The following GULP1 variants were observed in gnomAD, a reference collection of about 807,000 sequenced individuals.
GULP1 encodes PTB domain-containing engulfment adapter protein 1.
In GULP1, 19 loss-of-function variants were observed where a neutral mutation model predicts 40.9. The ratio of observed to expected loss-of-function variants is 0.46; its 90% CI spans 0.32 to 0.68. GULP1 has a LOEUF of 0.68. Among genes scored for constraint, GULP1 ranks in the 30% least tolerant of loss-of-function variants. GULP1 has a pLI of 0.03. For synonymous variants in GULP1, 119 were observed against 117.6 expected (o/e 1.01, Z -0.08); for missense variants, 312 against 362.2 (o/e 0.86, Z 1.12).
At position 188,342,318 on chromosome 2, in the gene GULP1, GCA is replaced by G. The variant is rs2043078538; in HGVS notation, c.-171-41442_-171-41441del. Among the ~76,000 whole-genome samples, 5 of 152,030 alleles carry G rather than the reference GCA, an allele frequency of 3.3e-5. No individual in the cohort carries two copies. The South Asian group carries it at 1.0e-3, about 32-fold the overall frequency. ...CCTTGGTGGTGGCTGGTAGTCCTTG[GCA>G]CATGGCTGCATGACTCTAATCTTTG... On this transcript the variant is annotated intron_variant, in intron 1 of 11. Coordinates refer to ENST00000409830, the MANE Select transcript of GULP1 (RefSeq NM_016315.4).
At chr2:188,557,908 C>T (rs946001266) in intron 7 of GULP1, among the ~76,000 whole-genome samples, 1 of 152,172 alleles carries the variant, frequency 6.6e-6, no homozygotes, top group Non-Finnish European at 1.5e-5. Flanking sequence ...AATGGTGTGG[C>T]TGGGAAGCAG....
intron 1 of GULP1, among the ~76,000 whole-genome samples, chr2:188,317,343 A>G (rs1401751642): frequency 6.6e-6 from 1 of 152,172 alleles, no homozygotes; most frequent in East Asian, 1.9e-4. Context: ...ACATATTTTT[A>G]CAAGATATAC....
chr2:188,365,563 AT>A, intron 1 of GULP1, among the ~76,000 whole-genome samples: 1 of 152,332 alleles, frequency 6.6e-6, no homozygotes, highest in East Asian at 1.9e-4. Context: ...GAAGCTGATA[AT>A]TGTTGATTGA....
chr2:188,318,596 G>A (rs2039490773), intron 1 of GULP1, among the ~76,000 whole-genome samples: 1 of 152,110 alleles, frequency 6.6e-6, no homozygotes, highest in South Asian at 2.1e-4. Flanking sequence ...CTTTCCATAA[G>A]ACATGCCCAG....
intron 2 of GULP1, among the ~76,000 whole-genome samples, chr2:188,419,340 T>A (rs2055041764): frequency 6.6e-6 from 1 of 152,198 alleles, no homozygotes; most frequent in Non-Finnish European, 1.5e-5. Flanking sequence ...GAGTCCCAAT[T>A]TCTCCATACC....
intron 7 of GULP1, among the ~76,000 whole-genome samples, chr2:188,557,834 A>G (rs1161141269): frequency 1.3e-5 from 2 of 152,166 alleles, no homozygotes; most frequent in Non-Finnish European, 2.9e-5. Context: ...GCCAAAGCTT[A>G]TGACTTGCAC....
intron 2 of GULP1, chr2:188,466,594 T>C (rs1194798215): frequency 6.6e-6 from 1 of 152,094 alleles, no homozygotes; most frequent in African/African-American, 2.4e-5. Flanking sequence ...TATCTATCTC[T>C]AGCTTGCTCT....
chr2:188,543,747 C>T (rs1005047247), intron 7 of GULP1, among the ~76,000 whole-genome samples: 1 of 152,134 alleles, frequency 6.6e-6, no homozygotes, highest in Non-Finnish European at 1.5e-5. Context: ...ATCTAAGACT[C>T]ATAATTCTTA....
At chr2:188,438,244 A>C (rs1429068255) in intron 2 of GULP1, among the ~76,000 whole-genome samples, 1 of 151,998 alleles carries the variant, frequency 6.6e-6, no homozygotes, top group Admixed American at 6.6e-5. Context: ...TCAGCCCCCA[A>C]CTTGCACTTG....
At chr2:188,541,503 T>C in intron 7 of GULP1, 185 bp downstream of exon 7, 1 of 652,992 alleles carries the variant, frequency 1.5e-6, no homozygotes, top group East Asian at 2.7e-5. Flanking sequence ...CAGGATTTCA[T>C]CTGTAACTAA....
chr2:188,572,147 G>A (rs1312179977), intron 9 of GULP1, among the ~76,000 whole-genome samples: 1 of 152,188 alleles, frequency 6.6e-6, no homozygotes, highest in Non-Finnish European at 1.5e-5. Context: ...CAGGAGGAAT[G>A]ACAAGATGAC....
At chr2:188,372,562 A>T (rs867022752) in intron 1 of GULP1, among the ~76,000 whole-genome samples, 1 of 152,066 alleles carries the variant, frequency 6.6e-6, no homozygotes, top group Admixed American at 6.6e-5. Flanking sequence ...GTGTTTTCAT[A>T]CATGAACTCC....
At chr2:188,456,968 C>T (rs2059319806) in intron 2 of GULP1, among the ~76,000 whole-genome samples, 2 of 152,132 alleles carry the variant, frequency 1.3e-5, no homozygotes, top group Non-Finnish European at 2.9e-5. Context: ...GAATCCCCCA[C>T]TGGATTTTGG....
At position 188,292,210 on chromosome 2, in the gene GULP1, C is replaced by A; in HGVS notation, c.-172+44C>A. 6.6e-6 allele frequency: 1 copy of A among 152,664 alleles called. No individual in the cohort carries two copies. The highest frequency in any genetic ancestry group is 1.5e-5 in the Non-Finnish European group (1 of 68,300). The allele number at this position is 152,664 out of a possible 1,614,324, so 9.5% of individuals were successfully genotyped here. A position where few individuals can be genotyped will look rare whatever the true frequency, so the allele number is the denominator to read the frequency against. Reference sequence around the variant, plus strand: ...GCTCTTCCCTGGCTGCGAACCCAGGCTCCCTCCAGGTAGCGTGGAATCGCT... The same window carrying A: ...GCTCTTCCCTGGCTGCGAACCCAGGATCCCTCCAGGTAGCGTGGAATCGCT... On this transcript the variant is annotated intron_variant, in intron 1 of 11. Coordinates refer to ENST00000409830, the MANE Select transcript of GULP1 (RefSeq NM_016315.4). The surrounding 1 kb of genome is among the most constrained non-coding windows in gnomAD (Gnocchi z 4.0).
At chr2:188,435,391 T>C (rs2057311137) in intron 2 of GULP1, among the ~76,000 whole-genome samples, 1 of 152,018 alleles carries the variant, frequency 6.6e-6, no homozygotes, top group Admixed American at 6.6e-5. Flanking sequence ...TGGTATCCTT[T>C]ATTTTCTCCA....
intron 7 of GULP1, among the ~76,000 whole-genome samples, chr2:188,559,828 T>C (rs146629395): frequency 3.7e-4 from 56 of 152,306 alleles, no homozygotes; most frequent in African/African-American, 1.2e-3. Flanking sequence ...GTGGAGATAA[T>C]TTAAATCATC....
intron 6 of GULP1, 80 bp from the exon 7 acceptor site, chr2:188,541,101 A>G (rs778638314): frequency 1.7e-6 from 2 of 1,183,786 alleles, no homozygotes; most frequent in Non-Finnish European, 2.4e-6. Context: ...TTAAAGTCAC[A>G]TGTTATTAAC....
chr2:188,374,443 G>A (rs1428661883), intron 1 of GULP1, among the ~76,000 whole-genome samples: 2 of 152,116 alleles, frequency 1.3e-5, no homozygotes, highest in Non-Finnish European at 2.9e-5. Flanking sequence ...CTTCAGGCCT[G>A]ACTGAATCCA....
At chr2:188,472,317 C>T (rs1489712015) in intron 2 of GULP1, among the ~76,000 whole-genome samples, 1 of 152,092 alleles carries the variant, frequency 6.6e-6, no homozygotes, top group African/African-American at 2.4e-5. Flanking sequence ...CTCTCTTACT[C>T]TAGGTTTGTG....
Sources: gnomAD v4.1 joint callset for allele counts (sites outside exome capture counted in the v4.1 genomes callset) on GRCh38, gnomAD v4.1.1 for gene constraint, Gnocchi (gnomAD v3.1) non-coding constraint, MANE v1.5 for transcripts, NCBI Gene and HGNC (gene_info 2026-07-23, HGNC 2026-07-21) for gene names.